Variants in TEPSIN observed in about 807,000 individuals in gnomAD.
The protein encoded by TEPSIN is AP-4 complex accessory subunit tepsin.
TEPSIN carries 50 observed loss-of-function variants against 48.5 expected under a neutral mutation model. That is an observed-to-expected ratio of 1.03 (90% CI 0.82 to 1.31). TEPSIN has a LOEUF of 1.31. TEPSIN is among the 50% of genes most tolerant of loss of function. TEPSIN has a pLI of 0.00. For synonymous variants in TEPSIN, 392 were observed against 358.8 expected (o/e 1.09, Z -1.05); for missense variants, 838 against 815.9 (o/e 1.03, Z -0.33).
rs1379440347 is a variant in TEPSIN at position 81,234,252 on chromosome 17, C to T, written c.308-204G>A. The stretch of plus-strand genomic sequence containing the variant: ...TCAGCTCCCCCTCACCCATGCCCCA[C>T]AGAGGCGAGACTCTCTCCACAGCAA... On this transcript the variant is annotated intron_variant, in intron 4 of 12. Transcript: ENST00000637944. The surrounding 1 kb of genome is among the most constrained non-coding windows in gnomAD (Gnocchi z 5.4). The T allele has an allele frequency of 4.4e-6, 2 of 452,418 alleles. No homozygotes were observed. The highest frequency in any genetic ancestry group is 4.7e-5 in the South Asian group (1 of 21,458). The allele number at this position is 452,418 out of a possible 1,614,324, so 28.0% of individuals were successfully genotyped here.
At chr17:81,238,852 C>A (rs1288854849) in intron 1 of TEPSIN, 134 bp downstream of exon 1, 1 of 1,350,634 alleles carries the variant, frequency 7.4e-7, no homozygotes, top group African/African-American at 1.5e-5. Flanking sequence ...GGCGTCGGCG[C>A]GGGCGAAGGG....
At chr17:81,236,540 G>T in intron 4 of TEPSIN, 168 bp downstream of exon 4, 2 of 731,118 alleles carry the variant, frequency 2.7e-6, no homozygotes, top group African/African-American at 1.8e-5. Context: ...TGGGCAGCAG[G>T]TGGAGAGGCC....
At position 81,230,630 on chromosome 17, in the gene TEPSIN, G is replaced by C. The variant is rs557929439; in HGVS notation, c.1147C>G (p.Gln383Glu). ...ASLGSSDLLP[Q>E]EHILLRTRPW... ...CGGGTGCGGAGGAGGATGTGCTCCT[G>C]GGGGAGGAGGTCGCTGCTCCCCAGG... Residue 383 changes from glutamine to glutamate, a missense_variant, in exon 12 of 13, where the codon CAG becomes GAG. Coordinates refer to ENST00000637944, the MANE Select transcript of TEPSIN (RefSeq NM_001363764.2). This position sits in a 1 kb window ranked among gnomAD's most constrained non-coding sequence, Gnocchi z 4.2. 11 of 1,597,712 alleles carry C rather than the reference G, an allele frequency of 6.9e-6. No individual in the cohort carries two copies. Among genetic ancestry groups the C allele is most frequent in the Middle Eastern group, 3.4e-4 (2 of 5,962 alleles).
chr17:81,234,716 C>T lies in TEPSIN; in HGVS notation c.308-668G>A, dbSNP rs555724537. Among the ~76,000 whole-genome samples the T allele has an allele frequency of 3.3e-5, 5 of 152,158 alleles. No individual in the cohort carries two copies. In the South Asian group the frequency reaches 1.0e-3, roughly 32 times the overall value. ...ATTCGGAGACGATGCTCCTGGCTGT[C>T]CCTGGGCCCAGGGCTGGCGGCCACA... is the stretch of plus-strand genomic sequence containing the variant. On this transcript the variant is annotated intron_variant, in intron 4 of 12. Transcript: ENST00000637944. The surrounding 1 kb of genome is among the most constrained non-coding windows in gnomAD (Gnocchi z 5.4).
intron 9 of TEPSIN, 24 bp downstream of exon 9, chr17:81,231,823 A>T: frequency 5.0e-6 from 8 of 1,611,244 alleles, no homozygotes; most frequent in Non-Finnish European, 6.8e-6. Context: ...GACCTCTCCC[A>T]CATATCTGGC....
At chr17:81,232,180 C>T in intron 8 of TEPSIN, 135 bp downstream of exon 8, 1 of 1,306,324 alleles carries the variant, frequency 7.7e-7, no homozygotes, top group Non-Finnish European at 1.0e-6. Flanking sequence ...GCCCCATGGG[C>T]ATGTGCTTCC....
intron 1 of TEPSIN, chr17:81,238,154 C>A (rs906044547): frequency 7.1e-6 from 7 of 985,736 alleles, no homozygotes; most frequent in Non-Finnish European, 8.4e-6. Flanking sequence ...TCGGAAGGGC[C>A]GAGATCTAGT....
chr17:81,231,197 G>A (rs1598350186), intron 11 of TEPSIN: 1 of 608,266 alleles, frequency 1.6e-6, no homozygotes, highest in East Asian at 2.8e-5. Flanking sequence ...ACATGCACGA[G>A]TGTGTACACA....
chr17:81,229,260 G>A lies in TEPSIN; in HGVS notation c.1450C>T (p.Pro484Ser). The change falls in exon 13 of 13, where the codon CCC becomes TCC. Residue 484 changes from proline (P) to serine (S), a missense_variant. Physicochemically the swap from Pro to Ser is moderately conservative, Grantham distance 74. Transcript: ENST00000637944. ...GGGGAGGCATCTGGGGGTGGGGTGG[G>A]CACAGGGCTGGACGGCATCCCAGAT... Reference protein sequence around the residue: ...PSSGMPSSPVPTPPPDASPIP... With the variant: ...PSSGMPSSPVSTPPPDASPIP... 2.7e-6 allele frequency: 4 copies of A among 1,497,432 alleles called. No individual in the cohort carries two copies. Among genetic ancestry groups the A allele is most frequent in the Non-Finnish European group, 3.6e-6 (4 of 1,103,606 alleles). The allele number at this position is 1,497,432 out of a possible 1,614,324, so 92.8% of individuals were successfully genotyped here. A position where few individuals can be genotyped will look rare whatever the true frequency, so the allele number is the denominator to read the frequency against.
At position 81,231,436 on chromosome 17, in the gene TEPSIN, T is replaced by C; in HGVS notation, c.1060A>G (p.Thr354Ala). Residue 354 changes from threonine (T) to alanine (A), a missense_variant, in exon 11 of 13, where the codon ACC (threonine) becomes GCC (alanine). Coordinates refer to ENST00000637944, the MANE Select transcript of TEPSIN (RefSeq NM_001363764.2). The stretch of plus-strand genomic sequence containing the variant: ...TCACTGGTCCCACGCAGGTGGCAGG[T>C]CAGCAGCTGCAGCACGGCCTCACAG... ...LNCEAVLQLL[T>A]CHLRGTSECT... 6.4e-7 allele frequency: 1 copy of C among 1,566,034 alleles called. No individual in the cohort carries two copies. Among genetic ancestry groups the C allele is most frequent in the South Asian group, 1.2e-5 (1 of 85,486 alleles).
chr17:81,230,629 T>TG lies in TEPSIN; in HGVS notation c.1147dup (p.Gln383ProfsTer35). ...CCGGGTGCGGAGGAGGATGTGCTCC[T>TG]GGGGGAGGAGGTCGCTGCTCCCCAG... On this transcript the variant is annotated frameshift_variant, in exon 12 of 13. Transcript: ENST00000637944. LOFTEE classifies it high-confidence loss of function. The surrounding 1 kb of genome is among the most constrained non-coding windows in gnomAD (Gnocchi z 4.2). The TG allele has an allele frequency of 6.9e-6, 11 of 1,598,896 alleles. No individual in the cohort carries two copies. Among genetic ancestry groups the TG allele is most frequent in the Non-Finnish European group, 9.4e-6 (11 of 1,172,096 alleles).
chr17:81,236,176 C>T (rs1485100676), intron 4 of TEPSIN, among the ~76,000 whole-genome samples: 1 of 152,218 alleles, frequency 6.6e-6, no homozygotes. Flanking sequence ...GACAGCTCCC[C>T]CAGACCCATC....
At position 81,233,309 on chromosome 17, in the gene TEPSIN, G is replaced by A; in HGVS notation, c.526+123C>T. 1 of 1,169,424 alleles carries A rather than the reference G, an allele frequency of 8.6e-7. No individual in the cohort carries two copies. Among genetic ancestry groups the A allele is most frequent in the Non-Finnish European group, 1.2e-6 (1 of 837,844 alleles). The allele number at this position is 1,169,424 out of a possible 1,614,324, so 72.4% of individuals were successfully genotyped here. A position where few individuals can be genotyped will look rare whatever the true frequency, so the allele number is the denominator to read the frequency against. ...TGGGGACAGCCCCAGGAAGGGTTGA[G>A]GCCATGTAGGGGAGGGGACGGGGGA... On this transcript the variant is annotated intron_variant, in intron 7 of 12. Coordinates refer to ENST00000637944, the MANE Select transcript of TEPSIN (RefSeq NM_001363764.2). The surrounding 1 kb of genome is among the most constrained non-coding windows in gnomAD (Gnocchi z 5.8).
In TEPSIN at chr17:81,234,047, A is replaced by T; in HGVS notation, c.309T>A (p.Ala103=). ...RNSAFIQEAA[A]FAGPPDPLHG... is the part of the protein sequence containing the mutation. Reference sequence around the variant, plus strand: ...GCAGAGGATCTGGGGGCCCTGCAAAAGCTGCAGAACAGAAAAGGCAAGTCG... The same window carrying T: ...GCAGAGGATCTGGGGGCCCTGCAAATGCTGCAGAACAGAAAAGGCAAGTCG... Residue 103 remains alanine (A), a splice_region_variant and synonymous_variant, in exon 5 of 13, where the codon GCT becomes GCA. Coordinates refer to ENST00000637944, the MANE Select transcript of TEPSIN (RefSeq NM_001363764.2). The surrounding 1 kb of genome is among the most constrained non-coding windows in gnomAD (Gnocchi z 5.4). 6.3e-7 allele frequency: 1 copy of T among 1,591,214 alleles called. No individual in the cohort carries two copies.
chr17:81,233,997 A>T lies in TEPSIN; in HGVS notation c.359T>A (p.Val120Asp). Reference sequence around the variant, plus strand: ...TGGGCTCACCTGCGCGGCCGCGCGAACCTTCTGGTACAAGCTGTTCCCGTG... The same window carrying T: ...TGGGCTCACCTGCGCGGCCGCGCGATCCTTCTGGTACAAGCTGTTCCCGTG... ...PLHGNSLYQK[V>D]RAAAQDLGST... The change falls in exon 5 of 13, where the codon GTT becomes GAT. Residue 120 changes from valine to aspartate, a missense_variant. Transcript: ENST00000637944. This position sits in a 1 kb window ranked among gnomAD's most constrained non-coding sequence, Gnocchi z 5.8. The T allele has an allele frequency of 6.3e-7, 1 of 1,598,422 alleles. No individual in the cohort carries two copies. Among genetic ancestry groups the T allele is most frequent in the East Asian group, 2.2e-5 (1 of 44,500 alleles).
At chr17:81,238,031 G>A (rs1219427381) in intron 1 of TEPSIN, 6 of 993,280 alleles carry the variant, frequency 6.0e-6, no homozygotes, top group African/African-American at 3.5e-5. Flanking sequence ...TTATAGGGAT[G>A]AAAACTGGAA....
rs901027336 is a variant in TEPSIN at position 81,234,864 on chromosome 17, C to A, written c.308-816G>T. On this transcript the variant is annotated intron_variant, in intron 4 of 12. Transcript: ENST00000637944. This position sits in a 1 kb window ranked among gnomAD's most constrained non-coding sequence, Gnocchi z 5.4. The stretch of plus-strand genomic sequence containing the variant: ...TGTGACAGAGCAGGAGCATCACCAT[C>A]TTGGACAAGCCCCTCATTCTAAAGT... 6.6e-6 allele frequency among the ~76,000 whole-genome samples: 1 copy of A among 152,160 alleles called. No individual in the cohort carries two copies. The highest frequency in any genetic ancestry group is 2.4e-5 in the African/African-American group (1 of 41,422).
In TEPSIN at chr17:81,229,357, A is replaced by G; in HGVS notation, c.1353T>C (p.Pro451=). 6.4e-7 allele frequency: 1 copy of G among 1,560,502 alleles called. No homozygotes were observed. ...GPSDLLTDAV[P]LPGSQVFLQP... is the part of the protein sequence containing the mutation. ...GCAGGAAGACCTGGCTCCCAGGGAG[A>G]GGCACAGCGTCGGTCAGCAGGTCAG... The change falls in exon 13 of 13, where the codon CCT becomes CCC. Residue 451 remains proline, a synonymous_variant. Transcript: ENST00000637944.
rs144188742 is a variant in TEPSIN, at chr17:81,228,688, CCT to C, written c.*238_*239del. 4.8e-4 allele frequency: 280 copies of C among 583,098 alleles called. No homozygotes were observed. Among genetic ancestry groups the C allele is most frequent in the African/African-American group, 4.5e-3 (236 of 52,158 alleles). 36.1% of individuals were successfully genotyped at this position (583,098 alleles called of 1,614,324 possible). A position where few individuals can be genotyped will look rare whatever the true frequency, so the allele number is the denominator to read the frequency against. ...AGAGCAAGACAGGCAGGGACTGCCC[CCT>C]GAGAGCCCTGAGATCGACATTTCTG... is the stretch of plus-strand genomic sequence containing the variant. On this transcript the variant is annotated 3_prime_UTR_variant, in exon 13 of 13. Transcript: ENST00000637944.
Sources: allele counts gnomAD v4.1 joint callset (sites outside exome capture counted in the v4.1 genomes callset), GRCh38; gene constraint gnomAD v4.1.1; non-coding constraint Gnocchi (gnomAD v3.1); transcripts MANE v1.5; gene names NCBI Gene and HGNC (gene_info 2026-07-23, HGNC 2026-07-21).